The following NDUFA10 variants were observed in gnomAD, a reference collection of about 807,000 sequenced individuals.
NDUFA10 encodes NADH:ubiquinone oxidoreductase subunit A10, also known as NADH dehydrogenase [ubiquinone] 1 alpha subcomplex subunit 10, mitochondrial.
In NDUFA10, 40 loss-of-function variants were observed where a neutral mutation model predicts 47.8. The ratio of observed to expected loss-of-function variants is 0.84; its 90% confidence interval spans 0.65 to 1.09. The LOEUF (loss-of-function observed/expected upper bound fraction) is 1.09. Among genes scored for constraint, NDUFA10 ranks in the 50% least tolerant of loss-of-function variants. The probability of loss-of-function intolerance (pLI) is 0.00; values close to 1 mark genes in which losing one functional copy is unlikely to be tolerated. For synonymous variants in NDUFA10, 183 were observed against 172.2 expected (o/e 1.06, Z -0.49); for missense variants, 413 against 451.1 (o/e 0.92, Z 0.76).
intron 4 of NDUFA10, among the ~76,000 whole-genome samples, chr2:239,930,989 G>T (rs1374326424): frequency 6.6e-6 from 1 of 151,922 alleles, no homozygotes; most frequent in Non-Finnish European, 1.5e-5. Context: ...GGCAGGGAGG[G>T]AGGTCAGGGG....
chr2:239,966,728 C>T (rs1414264478), intron 9 of NDUFA10, among the ~76,000 whole-genome samples: 1 of 152,152 alleles, frequency 6.6e-6, no homozygotes, highest in African/African-American at 2.4e-5. Flanking sequence ...CTCTCCCCCA[C>T]CAACCGGAAG....
chr2:240,015,357 G>T (rs981663883), intron 4 of NDUFA10, among the ~76,000 whole-genome samples: 1 of 152,184 alleles, frequency 6.6e-6, no homozygotes, highest in African/African-American at 2.4e-5. Context: ...TATGTTGCAG[G>T]TATATAGTAT....
intron 4 of NDUFA10, among the ~76,000 whole-genome samples, chr2:239,910,871 C>T (rs1693740661): frequency 6.6e-6 from 1 of 152,218 alleles, no homozygotes. Flanking sequence ...TTCTGGAGGC[C>T]CCGGCTCCTC....
intron 4 of NDUFA10, among the ~76,000 whole-genome samples, chr2:239,933,514 GT>G (rs959104864): frequency 1.4e-5 from 1 of 73,610 alleles, no homozygotes; most frequent in Non-Finnish European, 2.6e-5. Flanking sequence ...TTTTTTTTTT[GT>G]TTTTTTGTTT....
chr2:239,995,922 AC>A (rs1434410501), intron 8 of NDUFA10, among the ~76,000 whole-genome samples: 1 of 152,236 alleles, frequency 6.6e-6, no homozygotes, highest in Non-Finnish European at 1.5e-5. Flanking sequence ...TAACAACAGT[AC>A]CTCAAAATAT....
At chr2:240,003,082 T>C (rs1696790625) in intron 8 of NDUFA10, among the ~76,000 whole-genome samples, 1 of 152,152 alleles carries the variant, frequency 6.6e-6, no homozygotes, top group Non-Finnish European at 1.5e-5. Context: ...ACTCCGGGGC[T>C]CCAGCAATCC....
At chr2:239,965,373 G>A (rs898791901) in intron 9 of NDUFA10, among the ~76,000 whole-genome samples, 4 of 152,140 alleles carry the variant, frequency 2.6e-5, no homozygotes, top group Non-Finnish European at 4.4e-5. Flanking sequence ...TTGTTTACAT[G>A]TCTACTTCAC....
downstream of NDUFA10, among the ~76,000 whole-genome samples, chr2:239,954,389 C>A (rs1337531796): frequency 6.6e-6 from 1 of 152,252 alleles, no homozygotes; most frequent in Admixed American, 6.5e-5. Flanking sequence ...GTGGGCTCAA[C>A]CTGCCCGGCT....
At chr2:239,977,447 C>T (rs1695577077) in intron 9 of NDUFA10, among the ~76,000 whole-genome samples, 1 of 152,182 alleles carries the variant, frequency 6.6e-6, no homozygotes, top group African/African-American at 2.4e-5. Context: ...TTCCCAGACA[C>T]CTAGAAGAGG....
intron 4 of NDUFA10, among the ~76,000 whole-genome samples, chr2:239,944,962 C>T (rs1202618248): frequency 6.6e-6 from 1 of 152,188 alleles, no homozygotes; most frequent in East Asian, 1.9e-4. Flanking sequence ...GCGCCCAGAG[C>T]TCATCTCCAG....
At chr2:240,001,168 G>A (rs567921539) in intron 8 of NDUFA10, among the ~76,000 whole-genome samples, 26 of 152,312 alleles carry the variant, frequency 1.7e-4, no homozygotes, top group African/African-American at 6.0e-4. Context: ...TCTTTAGGAG[G>A]TGGGTTCGTT....
chr2:239,897,684 C>T (rs531675263), intron 4 of NDUFA10, among the ~76,000 whole-genome samples: 2 of 152,178 alleles, frequency 1.3e-5, no homozygotes, highest in African/African-American at 4.8e-5. Context: ...CTGGGCCCTC[C>T]TCCTCCTCCT....
chr2:239,998,660 A>G (rs1332255611), intron 8 of NDUFA10, among the ~76,000 whole-genome samples: 1 of 152,190 alleles, frequency 6.6e-6, no homozygotes, highest in Admixed American at 6.5e-5. Context: ...CTGGAACCTG[A>G]GTAGTTGCGA....
intron 5 of NDUFA10, chr2:240,014,157 G>A (rs1419347131): frequency 3.2e-5 from 5 of 157,932 alleles, no homozygotes; most frequent in Admixed American, 2.4e-4. Flanking sequence ...CCATCAAGCC[G>A]CCAACAGAGC....
chr2:239,923,391 G>A (rs77454108), intron 4 of NDUFA10, among the ~76,000 whole-genome samples: 2 of 151,800 alleles, frequency 1.3e-5, no homozygotes, highest in African/African-American at 4.8e-5. Flanking sequence ...ACCATATCCT[G>A]GTTCATAAAA....
chr2:239,969,592 C>T (rs542631467), intron 9 of NDUFA10: 1 of 466,538 alleles, frequency 2.1e-6, no homozygotes, highest in Non-Finnish European at 4.4e-6. Context: ...CACTCATCAG[C>T]CTGGCCAAAT....
intron 2 of NDUFA10, 96 bp downstream of exon 2, chr2:240,022,076 T>A: frequency 1.0e-6 from 1 of 965,256 alleles, no homozygotes; most frequent in Non-Finnish European, 1.4e-6. Context: ...ATTAAATATT[T>A]AATATTATTT....
At chr2:239,905,427 G>A (rs574182990) in intron 4 of NDUFA10, among the ~76,000 whole-genome samples, 2 of 152,370 alleles carry the variant, frequency 1.3e-5, no homozygotes, top group East Asian at 1.9e-4. Flanking sequence ...GATTTGCACC[G>A]GGACTCTCGG....
At chr2:240,001,700 G>A (rs1448724096) in intron 8 of NDUFA10, among the ~76,000 whole-genome samples, 3 of 152,192 alleles carry the variant, frequency 2.0e-5, no homozygotes, top group African/African-American at 7.2e-5. Context: ...CTGTCCTAAA[G>A]TTAAAATTAC....
Sources: allele counts gnomAD v4.1 joint callset (sites outside exome capture counted in the v4.1 genomes callset), GRCh38; gene constraint gnomAD v4.1.1; transcripts MANE v1.5; gene names NCBI Gene and HGNC (gene_info 2026-07-23, HGNC 2026-07-21).